The following RIMS1 variants were observed in gnomAD, a reference collection of about 807,000 sequenced individuals.
RIMS1 encodes the protein regulating synaptic membrane exocytosis 1, also known as regulating synaptic membrane exocytosis protein 1.
A neutral mutation model predicts 214.1 loss-of-function variants in RIMS1; 83 were observed. The observed-to-expected ratio is 0.39, with a 90% confidence interval of 0.32 to 0.47. The LOEUF (loss-of-function observed/expected upper bound fraction) is 0.47. RIMS1 is among the 20% of genes least tolerant of loss of function. RIMS1 has a pLI of 0.99. For synonymous variants in RIMS1, 793 were observed against 786.8 expected, an observed-to-expected ratio of 1.01 and a Z score of -0.13; for missense variants, 2,050 against 2,161.8, an observed-to-expected ratio of 0.95 and a Z score of 1.03.
At chr6:72,066,777 A>G (rs1164441421) in intron 2 of RIMS1, among the ~76,000 whole-genome samples, 1 of 152,114 alleles carries the variant, frequency 6.6e-6, no homozygotes, top group African/African-American at 2.4e-5. Context: ...TCTCAAACCT[A>G]ACTTAATCTA....
intron 2 of RIMS1, among the ~76,000 whole-genome samples, chr6:71,973,636 G>A (rs1339241913): frequency 6.6e-6 from 1 of 152,176 alleles, no homozygotes; most frequent in African/African-American, 2.4e-5. Flanking sequence ...GAGTTGTCCA[G>A]GAGAGCCCTG....
rs116341774 is a variant in RIMS1 at position 72,366,688 on chromosome 6, G to T, written c.4367-23910G>T. 1,251 of 985,484 alleles carry T rather than the reference G, an allele frequency of 1.3e-3. 11 individuals carry two copies. In the African/African-American group the frequency reaches 0.02, roughly 16 times the overall value. 61.0% of individuals were successfully genotyped at this position (985,484 alleles called of 1,614,324 possible). On this transcript the variant is annotated intron_variant, in intron 29 of 33. Coordinates refer to ENST00000521978, the MANE Select transcript of RIMS1 (RefSeq NM_014989.7). ...CATGAGAAGGAGAGAGTGTCGGAGGGTGAGGGAGGAGGAGAGAGAATGGGA... is the reference window on the plus strand; with the variant it reads ...CATGAGAAGGAGAGAGTGTCGGAGGTTGAGGGAGGAGGAGAGAGAATGGGA...
At chr6:72,103,562 T>C (rs1335505510) in intron 4 of RIMS1, among the ~76,000 whole-genome samples, 2 of 152,098 alleles carry the variant, frequency 1.3e-5, no homozygotes, top group East Asian at 1.9e-4. Flanking sequence ...ATTAGCCTTT[T>C]CTAGTATAAG....
At chr6:72,138,516 T>G (rs965770994) in intron 4 of RIMS1, among the ~76,000 whole-genome samples, 2 of 152,168 alleles carry the variant, frequency 1.3e-5, no homozygotes, top group Non-Finnish European at 2.9e-5. Flanking sequence ...TGTGTAAAAA[T>G]GTTTGTATAC....
At chr6:72,122,207 C>CTTTTTTTTT (rs34948011) in intron 4 of RIMS1, among the ~76,000 whole-genome samples, 4 of 136,316 alleles carry the variant, frequency 2.9e-5, no homozygotes, top group African/African-American at 5.5e-5. Flanking sequence ...TTCCTTTTTT[C>CTTTTTTTTT]TTTTTTTTTT....
chr6:72,070,886 C>T (rs1469643540), intron 2 of RIMS1, among the ~76,000 whole-genome samples: 1 of 152,052 alleles, frequency 6.6e-6, no homozygotes, highest in African/African-American at 2.4e-5. Context: ...ATCCTTCCTC[C>T]CAACTGTTTT....
intron 6 of RIMS1, among the ~76,000 whole-genome samples, chr6:72,198,433 T>A (rs1489114505): frequency 6.6e-6 from 1 of 151,910 alleles, no homozygotes; most frequent in Non-Finnish European, 1.5e-5. Context: ...CACTCATATG[T>A]GGGAGCTAAT....
At chr6:72,313,277 T>C (rs2095602085) in intron 27 of RIMS1, among the ~76,000 whole-genome samples, 1 of 152,230 alleles carries the variant, frequency 6.6e-6, no homozygotes, top group Admixed American at 6.5e-5. Context: ...CATTTAATGA[T>C]TGTGTTTAAT....
At chr6:72,215,869 G>A (rs1375582459) in intron 6 of RIMS1, among the ~76,000 whole-genome samples, 7 of 152,102 alleles carry the variant, frequency 4.6e-5, no homozygotes, top group Non-Finnish European at 1.0e-4. Flanking sequence ...CCATGGCTCA[G>A]TTTTAATTTT....
chr6:72,286,719 G>A (rs2092380810), intron 24 of RIMS1, among the ~76,000 whole-genome samples: 1 of 151,960 alleles, frequency 6.6e-6, no homozygotes, highest in South Asian at 2.1e-4. Context: ...CTAGCTACAC[G>A]TGAACCGAAG....
chr6:72,183,174 G>C (rs750389710), intron 6 of RIMS1, 25 bp downstream of exon 6: 7 of 1,579,320 alleles, frequency 4.4e-6, no homozygotes, highest in South Asian at 1.2e-5. Flanking sequence ...CCGGCCGTGC[G>C]GGGACTTCAG....
Position 72,333,609 on chromosome 6 carries a change from C to A in RIMS1, c.4140C>A (p.Thr1380=). The A allele has an allele frequency of 6.3e-7, 1 of 1,585,230 alleles. No individual in the cohort carries two copies. The highest frequency in any genetic ancestry group is 8.6e-7 in the Non-Finnish European group (1 of 1,165,082). ...TACTTTGTAAATATAGTTCATTTAC[C>A]CCCAAAATGCAAGGCAGACGGATGG... ...ERPRGRISSF[T]PKMQGRRMGT... Residue 1380 remains threonine, a synonymous_variant, in exon 29 of 34, where the codon ACC becomes ACA. Coordinates refer to ENST00000521978, the MANE Select transcript of RIMS1 (RefSeq NM_014989.7).
At chr6:72,020,476 C>T (rs573670476) in intron 2 of RIMS1, among the ~76,000 whole-genome samples, 1 of 152,326 alleles carries the variant, frequency 6.6e-6, no homozygotes, top group Admixed American at 6.5e-5. Context: ...CAGCCCTTGC[C>T]TTCTGCTGCT....
intron 18 of RIMS1, 93 bp downstream of exon 18, chr6:72,259,204 GTATT>G (rs1320675661): frequency 4.0e-6 from 4 of 1,006,514 alleles, no homozygotes; most frequent in Admixed American, 5.5e-5. Context: ...GAGAGTAAAA[GTATT>G]TATCACTCAA....
intron 2 of RIMS1, among the ~76,000 whole-genome samples, chr6:71,994,107 G>A (rs186784411): frequency 6.6e-6 from 1 of 152,306 alleles, no homozygotes; most frequent in Non-Finnish European, 1.5e-5. Context: ...TATCAAGACA[G>A]CTCGTGGGAG....
rs2048573481 is a variant in RIMS1 at position 72,183,073 on chromosome 6, G to A, written c.1602G>A (p.Glu534=). ...KKRQMSVSSS[E]EEGVSTPEYT... ...GGCAGATGTCGGTGAGCAGCTCTGA[G>A]GAGGAGGGCGTGTCGACGCCCGAGT... The change falls in exon 6 of 34, where the codon GAG becomes GAA. Residue 534 remains glutamate (E), a synonymous_variant. Transcript: ENST00000521978. 3 of 1,594,008 alleles carry A rather than the reference G, an allele frequency of 1.9e-6. No individual in the cohort carries two copies. Among genetic ancestry groups the A allele is most frequent in the South Asian group, 2.3e-5 (2 of 87,814 alleles).
chr6:71,919,906 A>G (rs1481337064), intron 1 of RIMS1, among the ~76,000 whole-genome samples: 2 of 152,226 alleles, frequency 1.3e-5, no homozygotes, highest in African/African-American at 4.8e-5. Flanking sequence ...GCCAAACAAC[A>G]TAAGTAACAA....
intron 6 of RIMS1, among the ~76,000 whole-genome samples, chr6:72,222,387 C>G (rs1025400621): frequency 6.6e-6 from 1 of 151,982 alleles, no homozygotes; most frequent in Admixed American, 6.6e-5. Context: ...AGCACTTGAT[C>G]TTTTCCATTT....
chr6:72,182,902 C>T lies in RIMS1; in HGVS notation c.1431C>T (p.Asp477=). The T allele has an allele frequency of 6.3e-7, 1 of 1,575,368 alleles. No homozygotes were observed. The highest frequency in any genetic ancestry group is 8.6e-7 in the Non-Finnish European group (1 of 1,162,074). Residue 477 remains aspartate (D), a synonymous_variant, in exon 6 of 34, where the codon GAC becomes GAT. Transcript: ENST00000521978. ...CCCTCAGGAAGCAGAGCCGCCTGGA[C>T]CCCAGCTCGGCGGTCCTCATGCGGA... ...QEPLRKQSRL[D]PSSAVLMRKA... is the part of the protein sequence containing the mutation.
Sources: allele counts gnomAD v4.1 joint callset (sites outside exome capture counted in the v4.1 genomes callset), GRCh38; gene constraint gnomAD v4.1.1; transcripts MANE v1.5; gene names NCBI Gene and HGNC (gene_info 2026-07-23, HGNC 2026-07-21).